ZYG11A: variants seen among roughly 807,000 people sequenced by gnomAD.
ZYG11A encodes zyg-11 family member A, cell cycle regulator.
In ZYG11A, 62 loss-of-function variants were observed where a neutral mutation model predicts 77.2. The ratio of observed to expected loss-of-function variants is 0.80; its 90% CI spans 0.65 to 0.99. ZYG11A has a LOEUF of 0.99. Ranked by LOEUF, ZYG11A falls within the 50% of genes least tolerant of loss-of-function variation. The probability of loss-of-function intolerance (pLI) is 0.00; values close to 1 mark genes in which losing one functional copy is unlikely to be tolerated. For synonymous variants in ZYG11A, 315 were observed against 324.6 expected, an observed-to-expected ratio of 0.97 and a Z score of 0.32; for missense variants, 828 against 896.8, an observed-to-expected ratio of 0.92 and a Z score of 0.98.
chr1:52,887,033 A>C lies in ZYG11A; in HGVS notation c.2084A>C (p.Tyr695Ser), dbSNP rs1206965132. ...CAGCTCTGGGCACTATGGGCTATGTATCATGTCTGCAGTAAAAATCGTATG... is the reference window on the plus strand; with the variant it reads ...CAGCTCTGGGCACTATGGGCTATGTCTCATGTCTGCAGTAAAAATCGTATG... ...EVQLWALWAM[Y>S]HVCSKNPSKY... Residue 695 changes from tyrosine to serine, a missense_variant, in exon 13 of 14, where the codon TAT (tyrosine) becomes TCT (serine). Tyr to Ser is a moderately radical substitution (Grantham distance 144, BLOSUM62 -2). Transcript: ENST00000371528. 1 of 1,538,990 alleles carries C rather than the reference A, an allele frequency of 6.5e-7. No homozygotes were observed. The highest frequency in any genetic ancestry group is 1.4e-5 in the African/African-American group (1 of 72,854).
chr1:52,850,583 G>A (rs914290795), intron 1 of ZYG11A, among the ~76,000 whole-genome samples: 24 of 152,174 alleles, frequency 1.6e-4, no homozygotes, highest in African/African-American at 4.8e-4. Flanking sequence ...CTCCCAAAGT[G>A]TTGGGATTAT....
chr1:52,856,871 T>G, intron 2 of ZYG11A, 127 bp from the exon 3 acceptor site: 1 of 994,546 alleles, frequency 1.0e-6, no homozygotes, highest in Non-Finnish European at 1.5e-6. Context: ...AGAACAATGC[T>G]AGCACAGAGC....
intron 8 of ZYG11A, among the ~76,000 whole-genome samples, chr1:52,869,850 C>A (rs1272409782): frequency 6.7e-6 from 1 of 150,032 alleles, no homozygotes; most frequent in Non-Finnish European, 1.5e-5. Flanking sequence ...ACCTCCCGGA[C>A]GGGACGGCTG....
At chr1:52,847,868 ATTTATTT>A (rs1558157019) in intron 1 of ZYG11A, among the ~76,000 whole-genome samples, 16 of 72,584 alleles carry the variant, frequency 2.2e-4, no homozygotes, top group African/African-American at 1.1e-3. Flanking sequence ...TTATTTATTT[ATTTATTT>A]ATTTATTTTT....
intron 13 of ZYG11A, among the ~76,000 whole-genome samples, chr1:52,888,056 C>T (rs966372562): frequency 1.3e-5 from 2 of 152,032 alleles, no homozygotes; most frequent in African/African-American, 4.8e-5. Context: ...CAGCAAAAAT[C>T]AGAAAATGTA....
chr1:52,866,943 A>G (rs2150004818), intron 6 of ZYG11A, among the ~76,000 whole-genome samples: 1 of 152,296 alleles, frequency 6.6e-6, no homozygotes, highest in Non-Finnish European at 1.5e-5. Context: ...TAATTTATTC[A>G]TTTTGTTATG....
chr1:52,862,457 G>GC (rs1645947798), intron 4 of ZYG11A, among the ~76,000 whole-genome samples: 1 of 150,486 alleles, frequency 6.6e-6, no homozygotes, highest in Non-Finnish European at 1.5e-5. Context: ...GACTACAGGC[G>GC]CCCGTCACCA....
chr1:52,867,891 A>C (rs780018566), intron 8 of ZYG11A, 114 bp downstream of exon 8: 19 of 807,394 alleles, frequency 2.4e-5, no homozygotes, highest in Non-Finnish European at 3.3e-5. Flanking sequence ...GAAATCTGTA[A>C]GACTTTCTCC....
intron 6 of ZYG11A, among the ~76,000 whole-genome samples, 165 bp from the exon 7 acceptor site, chr1:52,867,374 G>C (rs551240791): frequency 6.6e-6 from 1 of 152,104 alleles, no homozygotes; most frequent in East Asian, 1.9e-4. Flanking sequence ...CCTATCCCCT[G>C]CCTGGTCTTC....
At position 52,894,225 on chromosome 1, in the gene ZYG11A, GT is replaced by G. The variant is rs143715558; in HGVS notation, c.*1271del. 1.3e-5 allele frequency: 2 copies of G among 152,262 alleles called. No individual in the cohort carries two copies. Among genetic ancestry groups the G allele is most frequent in the African/African-American group, 4.8e-5 (2 of 41,554 alleles). 9.4% of individuals were successfully genotyped at this position (152,262 alleles called of 1,614,324 possible). A position where few individuals can be genotyped will look rare whatever the true frequency, so the allele number is the denominator to read the frequency against. On this transcript the variant is annotated 3_prime_UTR_variant, in exon 14 of 14. Coordinates refer to ENST00000371528, the MANE Select transcript of ZYG11A (RefSeq NM_001004339.3). ...TGGGACTTAGGCATTTGCAGACAGTGTTTAGATGAAAGATTACATGTAATGA... is the reference window on the plus strand; with the variant it reads ...TGGGACTTAGGCATTTGCAGACAGTGTTAGATGAAAGATTACATGTAATGA...
At chr1:52,853,272 C>T (rs757284982) in intron 1 of ZYG11A, among the ~76,000 whole-genome samples, 22 of 152,160 alleles carry the variant, frequency 1.4e-4, no homozygotes, top group African/African-American at 3.4e-4. Context: ...TACTTTATAC[C>T]GTTGTAATTC....
chr1:52,869,773 CGG>C (rs1382656194), intron 8 of ZYG11A, among the ~76,000 whole-genome samples: 1 of 151,860 alleles, frequency 6.6e-6, no homozygotes, highest in African/African-American at 2.4e-5. Flanking sequence ...ACCTCCCAGA[CGG>C]GGTGGTGGCT....
chr1:52,855,244 T>C (rs1645788892), intron 2 of ZYG11A, among the ~76,000 whole-genome samples: 1 of 152,186 alleles, frequency 6.6e-6, no homozygotes, highest in South Asian at 2.1e-4. Context: ...TACCTCCCAT[T>C]GTAGCTGGGC....
chr1:52,887,175 A>C (rs951673834), intron 13 of ZYG11A, 122 bp downstream of exon 13: 1 of 417,794 alleles, frequency 2.4e-6, no homozygotes, highest in Non-Finnish European at 4.2e-6. Context: ...AGGTGTGTTT[A>C]AAAAGAAACT....
chr1:52,887,016 G>C lies in ZYG11A; in HGVS notation c.2067G>C (p.Trp689Cys), dbSNP rs1646465018. Reference sequence around the variant, plus strand: ...TCTCTCAACCAGAGGTTCAGCTCTGGGCACTATGGGCTATGTATCATGTCT... The same window carrying C: ...TCTCTCAACCAGAGGTTCAGCTCTGCGCACTATGGGCTATGTATCATGTCT... ...GNFSQPEVQL[W>C]ALWAMYHVCS... The change falls in exon 13 of 14, where the codon TGG (tryptophan) becomes TGC (cysteine). Residue 689 changes from tryptophan (W) to cysteine (C), a missense_variant. Transcript: ENST00000371528. 1 of 1,547,560 alleles carries C rather than the reference G, an allele frequency of 6.5e-7. No homozygotes were observed. Among genetic ancestry groups the C allele is most frequent in the African/African-American group, 1.4e-5 (1 of 72,784 alleles).
In ZYG11A at chr1:52,867,630, G is replaced by GTGGTTTGTGATTT; in HGVS notation, c.1483_1484insTGGTTTGTGATTT (p.Ala495ValfsTer11). ...GGCAGTGAGTGTCACCTCTATTCTG[G>GTGGTTTGTGATTT]CTCTGCAGGTTTGTGATTTCTTAAA... On this transcript the variant is annotated frameshift_variant, in exon 7 of 14. Transcript: ENST00000371528. LOFTEE classifies it high-confidence loss of function. 6.4e-7 allele frequency: 1 copy of GTGGTTTGTGATTT among 1,551,954 alleles called. No individual in the cohort carries two copies. Among genetic ancestry groups the GTGGTTTGTGATTT allele is most frequent in the Non-Finnish European group, 8.7e-7 (1 of 1,146,920 alleles).
At chr1:52,844,920 A>G (rs1199476888) in intron 1 of ZYG11A, among the ~76,000 whole-genome samples, 2 of 152,098 alleles carry the variant, frequency 1.3e-5, no homozygotes, top group African/African-American at 2.4e-5. Flanking sequence ...CTACACAGTC[A>G]TATTATTTTC....
chr1:52,885,969 G>T, intron 12 of ZYG11A, 75 bp downstream of exon 12: 1 of 1,220,142 alleles, frequency 8.2e-7, no homozygotes. Flanking sequence ...GTCTTGCTCA[G>T]TCGCCCAGGC....
chr1:52,892,120 C>T (rs1216669287), intron 13 of ZYG11A, among the ~76,000 whole-genome samples: 27 of 148,344 alleles, frequency 1.8e-4, no homozygotes, highest in South Asian at 2.2e-4. Flanking sequence ...AGGATGGTCT[C>T]GATCTCCTGA....
Sources: allele counts gnomAD v4.1 joint callset (sites outside exome capture counted in the v4.1 genomes callset), GRCh38; gene constraint gnomAD v4.1.1; transcripts MANE v1.5; gene names NCBI Gene and HGNC (gene_info 2026-07-23, HGNC 2026-07-21).